The following AR variants were observed in gnomAD, a reference collection of about 807,000 sequenced individuals.
AR encodes the protein androgen receptor.
Under a neutral mutation model 53.9 loss-of-function variants are expected in AR, and 8 were observed. The observed-to-expected ratio is 0.15, with a 90% CI of 0.09 to 0.27. The LOEUF is 0.27. Among genes scored for constraint, AR ranks in the 10% least tolerant of loss-of-function variants. AR has a pLI of 1.00. For synonymous variants in AR, 359 were observed against 316.4 expected (o/e 1.13, Z -1.43); for missense variants, 639 against 742.5 (o/e 0.86, Z 1.62).
chrX:67,721,419 T>A (rs1210286016), intron 5 of AR, among the ~76,000 whole-genome samples: 1 of 111,865 alleles, frequency 8.9e-6, no homozygotes, highest in African/African-American at 3.3e-5. Context: ...AAATCCTTCA[T>A]GTTGAGCTGC....
chrX:67,658,461 T>C (rs753124890), intron 2 of AR, among the ~76,000 whole-genome samples: 6 of 112,332 alleles, frequency 5.3e-5, no homozygotes, highest in Admixed American at 1.9e-4. Context: ...TTTTATTTTA[T>C]TCTTTATAGA....
At chrX:67,586,727 G>T (rs1386002473) in intron 1 of AR, among the ~76,000 whole-genome samples, 1 of 111,824 alleles carries the variant, frequency 8.9e-6, no homozygotes. Context: ...TATTATTTAG[G>T]TATTATGGAA....
chrX:67,651,263 G>A (rs1926328290), intron 2 of AR, among the ~76,000 whole-genome samples: 1 of 106,104 alleles, frequency 9.4e-6, no homozygotes, highest in Non-Finnish European at 1.9e-5. Flanking sequence ...TGGCCAGGCT[G>A]GTCTCGAACT....
At chrX:67,718,576 A>G (rs1172014576) in intron 5 of AR, among the ~76,000 whole-genome samples, 1 of 111,306 alleles carries the variant, frequency 9.0e-6, no homozygotes, top group Non-Finnish European at 1.9e-5. Context: ...TCTGGCCCAT[A>G]GTAGGCAAGA....
Position 67,545,130 on chromosome X carries a change from T to TGGC in AR, c.-17_-16insGGC. The stretch of plus-strand genomic sequence containing the variant: ...CGGGGTAAGGGAAGTAGGTGGAAGA[T>TGGC]TCAGCCAAGCTCAAGGATGGAAGTG... On this transcript the variant is annotated 5_prime_UTR_variant, in exon 1 of 8. It adds an upstream start codon to the 5' untranslated region. Coordinates refer to ENST00000374690, the MANE Select transcript of AR (RefSeq NM_000044.6). The TGGC allele has an allele frequency of 4.2e-6, 5 of 1,193,361 alleles. No homozygotes were observed. The highest frequency in any genetic ancestry group is 5.6e-6 in the Non-Finnish European group (5 of 888,101).
chrX:67,688,749 TG>T (rs2075980294), intron 3 of AR, among the ~76,000 whole-genome samples: 1 of 111,735 alleles, frequency 8.9e-6, no homozygotes, highest in South Asian at 3.7e-4. Context: ...CTTTCCATTT[TG>T]CTGAATGAAC....
chrX:67,547,902 T>C (rs952557442), intron 1 of AR, among the ~76,000 whole-genome samples: 5 of 112,069 alleles, frequency 4.5e-5, no homozygotes, highest in Admixed American at 2.8e-4. Flanking sequence ...TATTAAAAAT[T>C]ATTCCTCACC....
chrX:67,612,269 A>G (rs2064731933), intron 1 of AR, among the ~76,000 whole-genome samples: 1 of 112,036 alleles, frequency 8.9e-6, no homozygotes. Flanking sequence ...GATTAAATCT[A>G]ATACCTTTTA....
chrX:67,683,909 C>T (rs1228666030), intron 2 of AR, among the ~76,000 whole-genome samples: 2 of 110,799 alleles, frequency 1.8e-5, no homozygotes, highest in Admixed American at 9.6e-5. Flanking sequence ...TCCGCTATAA[C>T]CTCTCTCATT....
chrX:67,710,986 A>G (rs2076091491), intron 3 of AR, among the ~76,000 whole-genome samples: 1 of 112,576 alleles, frequency 8.9e-6, no homozygotes, highest in Non-Finnish European at 1.9e-5. Context: ...AGACTGGGCC[A>G]GGGCCTGTGT....
At position 67,544,980 on chromosome X, in the gene AR, G is replaced by A. The variant is rs1404572185; in HGVS notation, c.-167G>A. 12 of 698,565 alleles carry A rather than the reference G, an allele frequency of 1.7e-5. No individual in the cohort carries two copies. Among genetic ancestry groups the A allele is most frequent in the Non-Finnish European group, 1.0e-5 (5 of 490,097 alleles). 57.6% of individuals were successfully genotyped at this position (698,565 alleles called of 1,213,427 possible). On this transcript the variant is annotated 5_prime_UTR_variant, in exon 1 of 8. Transcript: ENST00000374690. ...TGCACGAGACTTTGAGGCTGTCAGA[G>A]CGCTTTTTGCGTGGTTGCTCCCGCA...
chrX:67,571,120 C>CT (rs1921794227), intron 1 of AR, among the ~76,000 whole-genome samples: 1 of 111,014 alleles, frequency 9.0e-6, no homozygotes, highest in Non-Finnish European at 1.9e-5. Flanking sequence ...GGAAGGTTAC[C>CT]ACCTCTATTT....
At chrX:67,715,548 A>T (rs184405822) in intron 4 of AR, among the ~76,000 whole-genome samples, 57 of 111,914 alleles carry the variant, frequency 5.1e-4, no homozygotes, top group African/African-American at 1.7e-3. Context: ...ACCTGATCCT[A>T]TGGCTGACAA....
Position 67,573,755 on chromosome X carries a change from C to T in AR, c.1616+26993C>T, listed in dbSNP as rs1921928511. ...GCCCAGAATGGCAAAATAATTTTCC[C>T]AGTGTCACACAGCGAGTTATTGTCA... On this transcript the variant is annotated intron_variant, in intron 1 of 7. Transcript: ENST00000374690. 2.7e-5 allele frequency among the ~76,000 whole-genome samples: 3 copies of T among 111,703 alleles called. No homozygotes were observed. The Admixed American group carries it at 2.8e-4, about 11-fold the overall frequency.
chrX:67,704,423 T>C, intron 3 of AR, among the ~76,000 whole-genome samples: 1 of 112,624 alleles, frequency 8.9e-6, no homozygotes, highest in Non-Finnish European at 1.9e-5. Context: ...TTCATGTGTC[T>C]GTTGGCTGCA....
chrX:67,626,272 T>A (rs1473413352), intron 1 of AR, among the ~76,000 whole-genome samples: 1 of 109,249 alleles, frequency 9.2e-6, no homozygotes, highest in Admixed American at 1.0e-4. Flanking sequence ...CTCCATGAGT[T>A]CAGTAGTTTC....
intron 3 of AR, among the ~76,000 whole-genome samples, chrX:67,700,519 A>G (rs2076038193): frequency 9.0e-6 from 1 of 111,496 alleles, no homozygotes; most frequent in Admixed American, 9.5e-5. Flanking sequence ...TCTGATTTCA[A>G]TTACGTTCAG....
At chrX:67,690,604 C>T (rs1426092357) in intron 3 of AR, among the ~76,000 whole-genome samples, 1 of 112,065 alleles carries the variant, frequency 8.9e-6, no homozygotes, top group Non-Finnish European at 1.9e-5. Context: ...ATCTTTTCAT[C>T]CATTTACTCA....
intron 1 of AR, among the ~76,000 whole-genome samples, chrX:67,623,075 A>C (rs1924452598): frequency 9.0e-6 from 1 of 111,321 alleles, no homozygotes. Context: ...GATGGGGACT[A>C]GTGTGTGTAT....
Sources: allele counts gnomAD v4.1 joint callset (sites outside exome capture counted in the v4.1 genomes callset), GRCh38; gene constraint gnomAD v4.1.1; transcripts MANE v1.5; gene names NCBI Gene and HGNC (gene_info 2026-07-23, HGNC 2026-07-21).